Variants in GLIS3 observed in about 807,000 individuals in gnomAD.
GLIS3 encodes zinc finger protein GLIS3.
In GLIS3, 53 loss-of-function variants were observed where a neutral mutation model predicts 78.6. The observed-to-expected ratio is 0.67, with a 90% CI of 0.54 to 0.85. GLIS3 has a LOEUF of 0.85. Among genes scored for constraint, GLIS3 ranks in the 40% least tolerant of loss-of-function variants. The pLI is 0.00. For missense variants in GLIS3, 1,703 were observed against 1,231.1 expected (o/e 1.38, Z -5.74); for synonymous variants, 684 against 509.9 (o/e 1.34, Z -4.60).
chr9:4,045,570 C>CTCG (rs1411394335), intron 4 of GLIS3, among the ~76,000 whole-genome samples: 1 of 151,740 alleles, frequency 6.6e-6, no homozygotes, highest in Non-Finnish European at 1.5e-5. Flanking sequence ...AACTCCTGAC[C>CTCG]TCGTGATCCT....
At chr9:3,963,045 G>A (rs1020069260) in intron 4 of GLIS3, among the ~76,000 whole-genome samples, 4 of 151,876 alleles carry the variant, frequency 2.6e-5, no homozygotes, top group African/African-American at 9.7e-5. Context: ...GACCATGTTA[G>A]GCTCAAAAAC....
chr9:4,016,642 C>CTA (rs1822465006), intron 4 of GLIS3, among the ~76,000 whole-genome samples: 1 of 152,172 alleles, frequency 6.6e-6, no homozygotes, highest in African/African-American at 2.4e-5. Flanking sequence ...CATGCCATCT[C>CTA]ATTCAGGGAA....
In GLIS3 at chr9:3,843,420, G is replaced by A. The variant is rs770574990; in HGVS notation, c.2473+12589C>T. On this transcript the variant is annotated intron_variant, in intron 9 of 10. Coordinates refer to ENST00000381971, the MANE Select transcript of GLIS3 (RefSeq NM_001042413.2). ...TTATGTTAAGATTACATTTGGGCTT[G>A]AAGTAAGAGTATGGAAACCTATATA... Among the ~76,000 whole-genome samples, 334 of 152,290 alleles carry A rather than the reference G, an allele frequency of 2.2e-3. 1 individual carries two copies. Among genetic ancestry groups the A allele is most frequent in the Non-Finnish European group, 4.1e-3 (281 of 68,008 alleles).
At chr9:3,866,098 G>T (rs1261672665) in intron 8 of GLIS3, among the ~76,000 whole-genome samples, 1 of 152,172 alleles carries the variant, frequency 6.6e-6, no homozygotes, top group Non-Finnish European at 1.5e-5. Flanking sequence ...AATAACAAAT[G>T]AATGAGAGTA....
At chr9:4,079,012 C>A (rs533010224) in intron 4 of GLIS3, among the ~76,000 whole-genome samples, 4 of 152,252 alleles carry the variant, frequency 2.6e-5, no homozygotes, top group South Asian at 4.1e-4. Flanking sequence ...TAGGAAACTG[C>A]TAAATAGAAC....
chr9:3,885,542 C>G (rs1822020085), intron 7 of GLIS3, among the ~76,000 whole-genome samples: 1 of 152,120 alleles, frequency 6.6e-6, no homozygotes, highest in African/African-American at 2.4e-5. Context: ...TGCTTGGTGG[C>G]TGGAACATGG....
intron 2 of GLIS3, among the ~76,000 whole-genome samples, chr9:4,224,131 C>T (rs1183057131): frequency 2.6e-5 from 4 of 152,260 alleles, no homozygotes; most frequent in East Asian, 1.9e-4. Flanking sequence ...GAGCAAACTG[C>T]GCACTCTCAC....
At chr9:4,425,088 C>A in the GLIS3 span, among the ~76,000 whole-genome samples, 1 of 152,110 alleles carries the variant, frequency 6.6e-6, no homozygotes, top group Non-Finnish European at 1.5e-5. Context: ...GATCATGAAG[C>A]AGCCCCCGAA....
At chr9:4,369,739 A>T in the GLIS3 span, among the ~76,000 whole-genome samples, 1 of 152,214 alleles carries the variant, frequency 6.6e-6, no homozygotes, top group Non-Finnish European at 1.5e-5. Context: ...TGACTATCAG[A>T]ATCCCAAAGG....
At chr9:4,477,115 A>G in the GLIS3 span, among the ~76,000 whole-genome samples, 1 of 152,168 alleles carries the variant, frequency 6.6e-6, no homozygotes, top group Non-Finnish European at 1.5e-5. Flanking sequence ...TTGTACGTCC[A>G]TATTCACAGC....
chr9:4,145,743 G>A (rs1834175905), intron 2 of GLIS3, among the ~76,000 whole-genome samples: 1 of 150,124 alleles, frequency 6.7e-6, no homozygotes, highest in Non-Finnish European at 1.5e-5. Flanking sequence ...TCCTCCCTTT[G>A]TTCCCCCTCC....
At chr9:4,404,308 G>A in the GLIS3 span, among the ~76,000 whole-genome samples, 1 of 152,302 alleles carries the variant, frequency 6.6e-6, no homozygotes, top group South Asian at 2.1e-4. Flanking sequence ...GCATTGCACA[G>A]ATCTGCCAGA....
intron 4 of GLIS3, among the ~76,000 whole-genome samples, chr9:3,953,795 C>CTATATATA (rs57500093): frequency 9.6e-4 from 70 of 73,290 alleles, no homozygotes; most frequent in East Asian, 7.3e-3. Flanking sequence ...CTCTCTCTCT[C>CTATATATA]TATATATATA....
At chr9:4,039,158 A>G (rs1563975363) in intron 4 of GLIS3, among the ~76,000 whole-genome samples, 1 of 152,114 alleles carries the variant, frequency 6.6e-6, no homozygotes, top group East Asian at 1.9e-4. Flanking sequence ...GTGGTTCCAC[A>G]CTCTACCCAT....
At chr9:3,958,297 G>A (rs559149591) in intron 4 of GLIS3, among the ~76,000 whole-genome samples, 9 of 152,138 alleles carry the variant, frequency 5.9e-5, no homozygotes, top group East Asian at 1.9e-4. Context: ...TTTATTGAGC[G>A]TCTAGTATGC....
the GLIS3 span, among the ~76,000 whole-genome samples, chr9:4,438,109 C>G: frequency 6.6e-6 from 1 of 152,106 alleles, no homozygotes; most frequent in East Asian, 1.9e-4. Flanking sequence ...CCCAAGAAAC[C>G]TAACTCCAGA....
At chr9:4,260,373 T>C in intron 2 of GLIS3, among the ~76,000 whole-genome samples, 1 of 152,230 alleles carries the variant, frequency 6.6e-6, no homozygotes, top group East Asian at 1.9e-4. Context: ...AAGACCAGCC[T>C]GGCCAACATG....
chr9:4,316,700 G>T (rs1295951808), intron 2 of GLIS3, among the ~76,000 whole-genome samples: 1 of 152,148 alleles, frequency 6.6e-6, no homozygotes, highest in African/African-American at 2.4e-5. Context: ...GCCCAGAGTT[G>T]GTTCCTGCCT....
At chr9:4,461,825 T>C in the GLIS3 span, among the ~76,000 whole-genome samples, 2 of 152,222 alleles carry the variant, frequency 1.3e-5, no homozygotes, top group Admixed American at 1.3e-4. Flanking sequence ...ATGATGGACA[T>C]ACAGCATGAA....
Sources: gnomAD v4.1 joint callset for allele counts (sites outside exome capture counted in the v4.1 genomes callset) on GRCh38, gnomAD v4.1.1 for gene constraint, MANE v1.5 for transcripts, NCBI Gene and HGNC (gene_info 2026-07-23, HGNC 2026-07-21) for gene names.